BCL7C: variants seen among roughly 807,000 people sequenced by gnomAD.
The protein encoded by BCL7C is BAF chromatin remodeling complex subunit BCL7C.
Under a neutral mutation model 26.2 loss-of-function variants are expected in BCL7C, and 8 were observed. The ratio of observed to expected loss-of-function variants is 0.30; its 90% CI spans 0.18 to 0.55. BCL7C has a LOEUF of 0.55. Among genes scored for constraint, BCL7C ranks in the 20% least tolerant of loss-of-function variants. BCL7C has a pLI of 0.93. For missense variants in BCL7C, 262 were observed against 298.5 expected (o/e 0.88, Z 0.90); for synonymous variants, 90 against 116.5 (o/e 0.77, Z 1.47).
intron 5 of BCL7C, among the ~76,000 whole-genome samples, chr16:30,871,257 G>A (rs1450534578): frequency 6.6e-6 from 1 of 152,168 alleles, no homozygotes; most frequent in Admixed American, 6.5e-5. Context: ...ACGATGGCTG[G>A]AGTTAGCCTC....
At chr16:30,852,682 G>C (rs1163680401) in intron 5 of BCL7C, among the ~76,000 whole-genome samples, 1 of 151,792 alleles carries the variant, frequency 6.6e-6, no homozygotes, top group Non-Finnish European at 1.5e-5. Context: ...AGTAGAGACG[G>C]GGTTTCACCA....
At chr16:30,892,506 T>G (rs2055262978) in intron 4 of BCL7C, 80 bp downstream of exon 4, 1 of 1,425,446 alleles carries the variant, frequency 7.0e-7, no homozygotes. Flanking sequence ...GGGGAGCAGG[T>G]ATAGGGATGA....
At chr16:30,871,160 G>A (rs917992821) in intron 5 of BCL7C, among the ~76,000 whole-genome samples, 9 of 152,160 alleles carry the variant, frequency 5.9e-5, no homozygotes, top group Admixed American at 4.6e-4. Flanking sequence ...TCTCTGGGAA[G>A]AGGAATCCCC....
Position 30,893,119 on chromosome 16 carries a change from G to A in BCL7C, c.171+93C>T. 7.3e-7 allele frequency: 1 copy of A among 1,368,388 alleles called. No individual in the cohort carries two copies. Among genetic ancestry groups the A allele is most frequent in the South Asian group, 1.3e-5 (1 of 78,468 alleles). 84.8% of individuals were successfully genotyped at this position (1,368,388 alleles called of 1,614,324 possible). A position where few individuals can be genotyped will look rare whatever the true frequency, so the allele number is the denominator to read the frequency against. On this transcript the variant is annotated intron_variant, in intron 2 of 5. Coordinates refer to ENST00000215115, the MANE Select transcript of BCL7C (RefSeq NM_004765.4). This position sits in a 1 kb window ranked among gnomAD's most constrained non-coding sequence, Gnocchi z 5.2. ...TTCCCGTCTGTCCTGCTGCATCTGA[G>A]GTCTCGGGGAGCTGGAGGTAGAGGT...
chr16:30,884,562 T>C (rs984203300), downstream of BCL7C, among the ~76,000 whole-genome samples: 8 of 150,032 alleles, frequency 5.3e-5, no homozygotes, highest in South Asian at 6.4e-4. Context: ...AATGGCGTGA[T>C]CTTAGCTCAC....
intron 5 of BCL7C, among the ~76,000 whole-genome samples, chr16:30,878,305 C>G (rs968236123): frequency 6.6e-6 from 1 of 151,004 alleles, no homozygotes; most frequent in Non-Finnish European, 1.5e-5. Context: ...CCGAGGGAGA[C>G]GGATCACAAG....
intron 4 of BCL7C, 119 bp from the exon 5 acceptor site, chr16:30,889,064 G>T: frequency 2.1e-6 from 2 of 951,400 alleles, no homozygotes; most frequent in Non-Finnish European, 1.7e-6. Flanking sequence ...CATGGGAGCA[G>T]AGAGGAGAGA....
intron 5 of BCL7C, among the ~76,000 whole-genome samples, chr16:30,857,648 C>G (rs1458265827): frequency 6.6e-6 from 1 of 152,126 alleles, no homozygotes; most frequent in Non-Finnish European, 1.5e-5. Flanking sequence ...ACTCTCCTTA[C>G]TAGGATTCAG....
intron 5 of BCL7C, among the ~76,000 whole-genome samples, chr16:30,881,923 C>T (rs2055049996): frequency 6.6e-6 from 1 of 152,144 alleles, no homozygotes; most frequent in African/African-American, 2.4e-5. Context: ...GATATAACTG[C>T]CTGAAGGCAG....
downstream of BCL7C, among the ~76,000 whole-genome samples, chr16:30,883,525 AG>A (rs745432291): frequency 2.1e-4 from 27 of 131,108 alleles, no homozygotes; most frequent in Admixed American, 5.7e-4. Context: ...CACCATATCC[AG>A]CCAAACTGGC....
At chr16:30,881,631 C>T (rs2055045384) in intron 5 of BCL7C, among the ~76,000 whole-genome samples, 1 of 152,126 alleles carries the variant, frequency 6.6e-6, no homozygotes, top group African/African-American at 2.4e-5. Context: ...AATTTAAGTG[C>T]TTGCCCTGCC....
chr16:30,877,236 A>C (rs2054963879), intron 5 of BCL7C, among the ~76,000 whole-genome samples: 1 of 149,600 alleles, frequency 6.7e-6, no homozygotes. Context: ...TCAGTATCTC[A>C]GAATATCTGC....
intron 5 of BCL7C, chr16:30,851,306 T>C (rs1282380999): frequency 4.7e-6 from 1 of 210,754 alleles, no homozygotes; most frequent in African/African-American, 2.3e-5. Context: ...AGTGGCACAA[T>C]CTTGGCTCAT....
At chr16:30,867,079 T>A (rs535507787) in intron 5 of BCL7C, among the ~76,000 whole-genome samples, 2 of 152,178 alleles carry the variant, frequency 1.3e-5, no homozygotes, top group East Asian at 3.9e-4. Context: ...TCAGAGCTTG[T>A]CAAACCAAAT....
intron 5 of BCL7C, among the ~76,000 whole-genome samples, chr16:30,878,306 G>A (rs1444867877): frequency 6.6e-6 from 1 of 151,968 alleles, no homozygotes; most frequent in South Asian, 2.1e-4. Context: ...CGAGGGAGAC[G>A]GATCACAAGG....
intron 5 of BCL7C, 45 bp from the exon 6 acceptor site, chr16:30,888,035 C>A: frequency 6.4e-7 from 1 of 1,563,984 alleles, no homozygotes; most frequent in Non-Finnish European, 8.6e-7. Flanking sequence ...AGAACCCAGG[C>A]GTCCAGCCTC....
chr16:30,873,047 C>T (rs2054894565), intron 5 of BCL7C, among the ~76,000 whole-genome samples: 2 of 151,464 alleles, frequency 1.3e-5, no homozygotes, highest in Admixed American at 1.3e-4. Flanking sequence ...TAATCTTGTT[C>T]TTTAAAAATT....
intron 5 of BCL7C, among the ~76,000 whole-genome samples, chr16:30,839,986 G>A (rs1386104010): frequency 6.6e-6 from 1 of 152,144 alleles, no homozygotes. Context: ...TGCTGGTGGA[G>A]AGAACACATT....
chr16:30,889,319 G>T (rs1040525848), intron 4 of BCL7C, among the ~76,000 whole-genome samples: 38 of 152,164 alleles, frequency 2.5e-4, no homozygotes, highest in African/African-American at 7.7e-4. Flanking sequence ...TCATGTGGCT[G>T]TTGTGAGGGT....
Sources: gnomAD v4.1 joint callset for allele counts (sites outside exome capture counted in the v4.1 genomes callset) on GRCh38, gnomAD v4.1.1 for gene constraint, Gnocchi (gnomAD v3.1) non-coding constraint, MANE v1.5 for transcripts, NCBI Gene and HGNC (gene_info 2026-07-23, HGNC 2026-07-21) for gene names.